EIF4EBP2: variants seen among roughly 807,000 people sequenced by gnomAD.
EIF4EBP2 encodes the protein eukaryotic translation initiation factor 4E binding protein 2.
EIF4EBP2 carries 5 observed loss-of-function variants against 10.3 expected under a neutral mutation model. The observed-to-expected ratio is 0.48, with a 90% CI of 0.25 to 1.02. EIF4EBP2 has a LOEUF of 1.02. EIF4EBP2 is among the 50% of genes least tolerant of loss of function. The probability of loss-of-function intolerance (pLI) is 0.15; values close to 1 mark genes in which losing one functional copy is unlikely to be tolerated. For synonymous variants in EIF4EBP2, 67 were observed against 61.1 expected (o/e 1.10, Z -0.45); for missense variants, 188 against 162.2 (o/e 1.16, Z -0.86).
intron 1 of EIF4EBP2, among the ~76,000 whole-genome samples, chr10:70,412,897 A>G (rs1845059755): frequency 6.6e-6 from 1 of 152,246 alleles, no homozygotes; most frequent in Non-Finnish European, 1.5e-5. Flanking sequence ...ATGAAGACTA[A>G]GAAAAATATG....
At position 70,420,099 on chromosome 10, in the gene EIF4EBP2, G is replaced by A. The variant is rs1589148591; in HGVS notation, c.331G>A (p.Gly111Arg). The A allele has an allele frequency of 6.3e-7, 1 of 1,598,038 alleles. No homozygotes were observed. Among genetic ancestry groups the A allele is most frequent in the South Asian group, 1.1e-5 (1 of 87,860 alleles). ...LNNHDRKHAV[G>R]DDAQFEMDI ...CAATCACGACAGGAAACATGCAGTT[G>A]GTAAGAGAATGGCGATGTTGGAGAC... Residue 111 changes from glycine (G) to arginine (R), a missense_variant and splice_region_variant, in exon 2 of 3, where the codon GGG becomes AGG. Coordinates refer to ENST00000373218, the MANE Select transcript of EIF4EBP2 (RefSeq NM_004096.5).
At chr10:70,414,635 A>C (rs1267512338) in intron 1 of EIF4EBP2, among the ~76,000 whole-genome samples, 1 of 152,208 alleles carries the variant, frequency 6.6e-6, no homozygotes, top group Non-Finnish European at 1.5e-5. Flanking sequence ...TGGGAGGCCA[A>C]GGCTTGCAGA....
intron 1 of EIF4EBP2, among the ~76,000 whole-genome samples, chr10:70,411,742 C>T (rs1184907976): frequency 6.6e-6 from 1 of 152,060 alleles, no homozygotes; most frequent in Non-Finnish European, 1.5e-5. Context: ...GGTGTGAGCC[C>T]CTATGCCCAG....
chr10:70,404,741 C>T (rs1321601042), intron 1 of EIF4EBP2, among the ~76,000 whole-genome samples, 195 bp downstream of exon 1: 1 of 152,224 alleles, frequency 6.6e-6, no homozygotes, highest in Non-Finnish European at 1.5e-5. Context: ...AGTCGGCGCG[C>T]GCCCCACTCG....
chr10:70,406,999 G>C (rs548727825), intron 1 of EIF4EBP2, among the ~76,000 whole-genome samples: 1 of 152,118 alleles, frequency 6.6e-6, no homozygotes, highest in Admixed American at 6.6e-5. Flanking sequence ...CTGGGTTCAC[G>C]CCATTCTCCT....
Position 70,418,500 on chromosome 10 carries a change from G to C in EIF4EBP2, c.146-1414G>C, listed in dbSNP as rs117630372. Among the ~76,000 whole-genome samples the C allele has an allele frequency of 1.1e-3, 173 of 152,278 alleles. 3 individuals are homozygous for C. In the East Asian group the frequency reaches 0.026, roughly 23 times the overall value. ...GTATAGTGATGTTCAGCTGTACAGA[G>C]CACCAACTTGATAGGGCTTAGAGAC... is the stretch of plus-strand genomic sequence containing the variant. On this transcript the variant is annotated intron_variant, in intron 1 of 2. Coordinates refer to ENST00000373218, the MANE Select transcript of EIF4EBP2 (RefSeq NM_004096.5).
intron 1 of EIF4EBP2, among the ~76,000 whole-genome samples, chr10:70,408,707 A>C (rs1312305113): frequency 5.3e-5 from 8 of 152,294 alleles, no homozygotes; most frequent in Admixed American, 4.6e-4. Context: ...TGCCCAGGGG[A>C]GTGGTTCGCA....
intron 1 of EIF4EBP2, among the ~76,000 whole-genome samples, chr10:70,411,970 C>T (rs1183280189): frequency 6.6e-6 from 1 of 152,136 alleles, no homozygotes; most frequent in Non-Finnish European, 1.5e-5. Context: ...GTTTCCTGCT[C>T]AATAGCTATT....
chr10:70,416,568 ACT>A (rs957666592), intron 1 of EIF4EBP2, among the ~76,000 whole-genome samples: 12 of 129,154 alleles, frequency 9.3e-5, no homozygotes, highest in East Asian at 2.1e-4. Context: ...ACATAGCGAG[ACT>A]CTGTCTCAAA....
rs781000061 is a variant in EIF4EBP2 at position 70,404,567 on chromosome 10, C to T, written c.145+21C>T. 11 of 1,521,068 alleles carry T rather than the reference C, an allele frequency of 7.2e-6. No homozygotes were observed. The South Asian group carries it at 1.4e-4, about 19-fold the overall frequency. The allele number at this position is 1,521,068 out of a possible 1,614,324, so 94.2% of individuals were successfully genotyped here. On this transcript the variant is annotated intron_variant, in intron 1 of 2. Coordinates refer to ENST00000373218, the MANE Select transcript of EIF4EBP2 (RefSeq NM_004096.5). ...GGGAGGTGAGCGCCGGCCAGCCGTC[C>T]GCCGCGCCCGGTGTCCCGCCGCGGT...
chr10:70,414,398 G>A (rs1845072413), intron 1 of EIF4EBP2, among the ~76,000 whole-genome samples: 1 of 151,972 alleles, frequency 6.6e-6, no homozygotes, highest in South Asian at 2.1e-4. Context: ...TATTTTTCCT[G>A]GCTATATTTG....
In EIF4EBP2 at chr10:70,404,496, A is replaced by G. The variant is rs1844947142; in HGVS notation, c.95A>G (p.His32Arg). The G allele has an allele frequency of 7.5e-6, 12 of 1,599,092 alleles. No homozygotes were observed. The South Asian group carries it at 1.1e-4, about 15-fold the overall frequency. The change falls in exon 1 of 3, where the codon CAT becomes CGT. Residue 32 changes from histidine (H) to arginine (R), a missense_variant. Coordinates refer to ENST00000373218, the MANE Select transcript of EIF4EBP2 (RefSeq NM_004096.5). Reference sequence around the variant, plus strand: ...ATCAGCGACGCCGCGCAGCTACCTCATGACTATTGCACCACGCCCGGGGGG... The same window carrying G: ...ATCAGCGACGCCGCGCAGCTACCTCGTGACTATTGCACCACGCCCGGGGGG... ...VAISDAAQLPHDYCTTPGGTL... is the reference protein window; with the variant it reads ...VAISDAAQLPRDYCTTPGGTL...
intron 1 of EIF4EBP2, among the ~76,000 whole-genome samples, chr10:70,404,946 G>A (rs771922179): frequency 1.3e-5 from 2 of 152,208 alleles, no homozygotes; most frequent in African/African-American, 4.8e-5. Flanking sequence ...TGGCTCCGGG[G>A]CTTTTTAAAA....
At chr10:70,419,706 C>T (rs2137231545) in intron 1 of EIF4EBP2, among the ~76,000 whole-genome samples, 1 of 152,204 alleles carries the variant, frequency 6.6e-6, no homozygotes, top group South Asian at 2.1e-4. Flanking sequence ...GAAGGATCAA[C>T]AGGAGTGTCC....
chr10:70,413,759 T>C (rs765059133), intron 1 of EIF4EBP2, among the ~76,000 whole-genome samples: 12 of 152,222 alleles, frequency 7.9e-5, no homozygotes, highest in Non-Finnish European at 1.8e-4. Flanking sequence ...TTTTCATAAC[T>C]TTCCAATATA....
chr10:70,414,850 G>A (rs952562534), intron 1 of EIF4EBP2, among the ~76,000 whole-genome samples: 2 of 151,942 alleles, frequency 1.3e-5, no homozygotes, highest in African/African-American at 4.8e-5. Flanking sequence ...CTGGGCAGCA[G>A]AGGGAAAATC....
At chr10:70,406,400 T>A (rs1221428850) in intron 1 of EIF4EBP2, among the ~76,000 whole-genome samples, 3 of 152,234 alleles carry the variant, frequency 2.0e-5, no homozygotes, top group Non-Finnish European at 2.9e-5. Context: ...GGAAAGGGAT[T>A]TATAACTTCT....
intron 1 of EIF4EBP2, among the ~76,000 whole-genome samples, chr10:70,416,191 CCACTT>C (rs888927237): frequency 3.9e-5 from 6 of 152,172 alleles, no homozygotes; most frequent in Non-Finnish European, 5.9e-5. Flanking sequence ...CAGTGAGAAA[CCACTT>C]CATATCTGCT....
At chr10:70,408,366 G>T (rs912823429) in intron 1 of EIF4EBP2, among the ~76,000 whole-genome samples, 1 of 152,082 alleles carries the variant, frequency 6.6e-6, no homozygotes, top group African/African-American at 2.4e-5. Context: ...TGCCCGCCTC[G>T]GCCTCCCAAA....
Sources: allele counts gnomAD v4.1 joint callset (sites outside exome capture counted in the v4.1 genomes callset), GRCh38; gene constraint gnomAD v4.1.1; transcripts MANE v1.5; gene names NCBI Gene and HGNC (gene_info 2026-07-23, HGNC 2026-07-21).